PHF3: variants seen among roughly 807,000 people sequenced by gnomAD.
The protein encoded by PHF3 is PHD finger protein 3.
Under a neutral mutation model 178.4 loss-of-function variants are expected in PHF3, and 41 were observed. The ratio of observed to expected loss-of-function variants is 0.23; its 90% CI spans 0.18 to 0.30. The LOEUF (loss-of-function observed/expected upper bound fraction) is 0.30, where lower values mean the gene tolerates loss of function less well. Ranked by LOEUF, PHF3 falls within the 10% of genes least tolerant of loss-of-function variation. PHF3 has a pLI of 1.00. For missense variants in PHF3, 2,346 were observed against 2,398.1 expected, an observed-to-expected ratio of 0.98 and a Z score of 0.45; for synonymous variants, 842 against 800.5, an observed-to-expected ratio of 1.05 and a Z score of -0.88.
intron 2 of PHF3, among the ~76,000 whole-genome samples, chr6:63,671,785 C>T (rs905673033): frequency 5.3e-5 from 8 of 152,146 alleles, no homozygotes; most frequent in African/African-American, 1.7e-4. Context: ...CGTCCTCTGT[C>T]GCCAGGCTGG....
Position 63,685,134 on chromosome 6 carries a change from G to C in PHF3, c.1412G>C (p.Arg471Thr). The change falls in exon 4 of 16, where the codon AGA (arginine) becomes ACA (threonine). Residue 471 changes from arginine (R) to threonine (T), a missense_variant. Around this residue, in one of 8 missense-constraint regions of PHF3, gnomAD observed 843 missense variants for 795.2 expected, o/e 1.06. Transcript: ENST00000262043. ...GAAACAGCAAACCTTCAGGATGACA[G>C]AAACAGCCAGTCAAGTAGCGTTTCT... is the stretch of plus-strand genomic sequence containing the variant. ...SHETANLQDD[R>T]NSQSSSVSYL... 6.2e-7 allele frequency: 1 copy of C among 1,613,972 alleles called. No homozygotes were observed. Among genetic ancestry groups the C allele is most frequent in the Non-Finnish European group, 8.5e-7 (1 of 1,179,992 alleles).
Position 63,713,285 on chromosome 6 carries a change from C to A in PHF3, c.5697C>A (p.Asp1899Glu). The A allele has an allele frequency of 1.2e-6, 2 of 1,613,952 alleles. No individual in the cohort carries two copies. The highest frequency in any genetic ancestry group is 1.7e-6 in the Non-Finnish European group (2 of 1,179,982). Residue 1899 changes from aspartate (D) to glutamate (E), a missense_variant, in exon 16 of 16, where the codon GAC becomes GAA. Physicochemically the swap from Asp to Glu is conservative, Grantham distance 45. Coordinates refer to ENST00000262043, the MANE Select transcript of PHF3 (RefSeq NM_001370348.2). The part of the protein sequence containing the change: ...DIRRPERRHS[D>E]PWGRQDQQQL... The stretch of plus-strand genomic sequence containing the variant: ...GGAGGCCAGAAAGGCGCCATAGTGA[C>A]CCTTGGGGTAGGCAAGACCAACAGC...
chr6:63,706,478 A>G (rs1301039453), intron 12 of PHF3, among the ~76,000 whole-genome samples: 3 of 152,200 alleles, frequency 2.0e-5, no homozygotes, highest in African/African-American at 7.2e-5. Context: ...AAAGTCAGGG[A>G]TAGATTATTA....
At chr6:63,643,587 A>G (rs1346325792) in intron 1 of PHF3, among the ~76,000 whole-genome samples, 1 of 152,198 alleles carries the variant, frequency 6.6e-6, no homozygotes, top group Admixed American at 6.5e-5. Flanking sequence ...TAGCTTACTA[A>G]ACATGTCTCA....
intron 4 of PHF3, among the ~76,000 whole-genome samples, chr6:63,689,476 T>C (rs1389957609): frequency 6.6e-6 from 1 of 152,202 alleles, no homozygotes; most frequent in Non-Finnish European, 1.5e-5. Flanking sequence ...TCTATTTTTC[T>C]CTGCAGATTG....
intron 2 of PHF3, among the ~76,000 whole-genome samples, chr6:63,656,222 A>G (rs755536160): frequency 6.6e-6 from 1 of 152,180 alleles, no homozygotes; most frequent in Non-Finnish European, 1.5e-5. Flanking sequence ...TTTGCTTTCC[A>G]TAGCTTGACA....
intron 2 of PHF3, among the ~76,000 whole-genome samples, chr6:63,653,305 A>G (rs531794034): frequency 2.0e-5 from 3 of 151,990 alleles, no homozygotes; most frequent in Admixed American, 1.3e-4. Context: ...CATTTTCACA[A>G]TATTCTTCTA....
At chr6:63,664,408 A>G (rs975556934) in intron 2 of PHF3, among the ~76,000 whole-genome samples, 2 of 152,188 alleles carry the variant, frequency 1.3e-5, no homozygotes, top group Admixed American at 6.5e-5. Context: ...ATGGGTGTCA[A>G]AATTGCTACT....
rs1160442439 is a variant in PHF3, at chr6:63,685,150, T to C, written c.1428T>C (p.Ser476=). 1 of 1,614,002 alleles carries C rather than the reference T, an allele frequency of 6.2e-7. No homozygotes were observed. The highest frequency in any genetic ancestry group is 2.2e-5 in the East Asian group (1 of 44,876). The part of the protein sequence containing the change: ...NLQDDRNSQS[S]SVSYLESKSV... ...AGGATGACAGAAACAGCCAGTCAAG[T>C]AGCGTTTCTTACTTAGAGTCAAAAA... The change falls in exon 4 of 16, where the codon AGT becomes AGC. Residue 476 remains serine (S), a synonymous_variant. Coordinates refer to ENST00000262043, the MANE Select transcript of PHF3 (RefSeq NM_001370348.2).
chr6:63,682,876 A>G (rs956653268), intron 3 of PHF3, among the ~76,000 whole-genome samples: 3 of 152,098 alleles, frequency 2.0e-5, no homozygotes, highest in African/African-American at 4.8e-5. Context: ...TTAATGTGTA[A>G]TAAGTGTTAA....
At chr6:63,670,672 A>G (rs1765877537) in intron 2 of PHF3, among the ~76,000 whole-genome samples, 1 of 152,154 alleles carries the variant, frequency 6.6e-6, no homozygotes, top group Non-Finnish European at 1.5e-5. Context: ...ATCTGTTGAG[A>G]TAGAGCCATG....
At position 63,715,594 on chromosome 6, in the gene PHF3, C is replaced by A. The variant is rs1768162802; in HGVS notation, c.*1886C>A. The A allele has an allele frequency of 3.3e-5, 5 of 152,068 alleles. No individual in the cohort carries two copies. The highest frequency in any genetic ancestry group is 3.3e-4 in the Admixed American group (5 of 15,236). The allele number at this position is 152,068 out of a possible 1,614,324, so 9.4% of individuals were successfully genotyped here. ...AGGTCAGTTTTTGATCACCTCTTCG[C>A]TAATAGTTTTTTCTACATATCTAAA... On this transcript the variant is annotated 3_prime_UTR_variant, in exon 16 of 16. Coordinates refer to ENST00000262043, the MANE Select transcript of PHF3 (RefSeq NM_001370348.2).
At chr6:63,683,706 A>T (rs901623959) in intron 3 of PHF3, among the ~76,000 whole-genome samples, 5 of 152,054 alleles carry the variant, frequency 3.3e-5, no homozygotes, top group African/African-American at 1.2e-4. Flanking sequence ...TAGCACTGGA[A>T]TATATTTGGT....
rs1768248986 is a variant in PHF3, at chr6:63,718,270, T to G, written c.*4562T>G. Among the ~76,000 whole-genome samples, 1 of 151,980 alleles carries G rather than the reference T, an allele frequency of 6.6e-6. No individual in the cohort carries two copies. The highest frequency in any genetic ancestry group is 1.5e-5 in the Non-Finnish European group (1 of 67,928). On this transcript the variant is annotated 3_prime_UTR_variant, in exon 16 of 16. Coordinates refer to ENST00000262043, the MANE Select transcript of PHF3 (RefSeq NM_001370348.2). ...TTTGTGGAGATTACAGGTAGAAAAG[T>G]TATAAAATCTGAACGTAAAATTGCA...
At chr6:63,637,876 CAA>C (rs1764412190) in intron 1 of PHF3, among the ~76,000 whole-genome samples, 1 of 152,066 alleles carries the variant, frequency 6.6e-6, no homozygotes, top group Non-Finnish European at 1.5e-5. Context: ...GTGATGGGAC[CAA>C]AGTTTGCCTC....
Position 63,636,124 on chromosome 6 carries a change from G to A in PHF3, c.-52G>A. 2.6e-6 allele frequency: 1 copy of A among 391,016 alleles called. No individual in the cohort carries two copies. Among genetic ancestry groups the A allele is most frequent in the East Asian group, 3.6e-5 (1 of 27,678 alleles). 24.2% of individuals were successfully genotyped at this position (391,016 alleles called of 1,614,324 possible). A position where few individuals can be genotyped will look rare whatever the true frequency, so the allele number is the denominator to read the frequency against. On this transcript the variant is annotated 5_prime_UTR_variant, in exon 1 of 16. It adds an upstream start codon to the 5' untranslated region. Coordinates refer to ENST00000262043, the MANE Select transcript of PHF3 (RefSeq NM_001370348.2). Reference sequence around the variant, plus strand: ...GTCCACCATCTTCCTCTTGCTGCCAGTGGTAGCGCTCGTCTGGCGGAGCTG... The same window carrying A: ...GTCCACCATCTTCCTCTTGCTGCCAATGGTAGCGCTCGTCTGGCGGAGCTG...
chr6:63,651,137 G>A (rs976406659), intron 2 of PHF3, among the ~76,000 whole-genome samples: 1 of 152,006 alleles, frequency 6.6e-6, no homozygotes, highest in Non-Finnish European at 1.5e-5. Context: ...GTACGTATTT[G>A]TGGGGTACAG....
At chr6:63,690,211 T>G (rs1278423625) in intron 4 of PHF3, among the ~76,000 whole-genome samples, 1 of 152,150 alleles carries the variant, frequency 6.6e-6, no homozygotes, top group Non-Finnish European at 1.5e-5. Flanking sequence ...GAAAGTTTTC[T>G]TGCTTGTCAA....
At chr6:63,651,063 C>A (rs1045761805) in intron 2 of PHF3, among the ~76,000 whole-genome samples, 2 of 151,778 alleles carry the variant, frequency 1.3e-5, no homozygotes, top group African/African-American at 2.4e-5. Flanking sequence ...CTTCAATGAA[C>A]CTTTTACATT....
Sources: allele counts gnomAD v4.1 joint callset (sites outside exome capture counted in the v4.1 genomes callset), GRCh38; gene constraint gnomAD v4.1.1; regional missense constraint gnomAD v4.1.1; transcripts MANE v1.5; gene names NCBI Gene and HGNC (gene_info 2026-07-23, HGNC 2026-07-21).